VDAC1: variants seen among roughly 807,000 people sequenced by gnomAD.
VDAC1 encodes voltage dependent anion channel 1.
In VDAC1, 10 loss-of-function variants were observed where a neutral mutation model predicts 34.7. The observed-to-expected ratio is 0.29, with a 90% CI of 0.18 to 0.49. VDAC1 has a LOEUF of 0.49. Among genes scored for constraint, VDAC1 ranks in the 20% least tolerant of loss-of-function variants. VDAC1 has a pLI of 0.99. For synonymous variants in VDAC1, 130 were observed against 136.0 expected, an observed-to-expected ratio of 0.96 and a Z score of 0.30; for missense variants, 230 against 347.9, an observed-to-expected ratio of 0.66 and a Z score of 2.69.
the VDAC1 span, among the ~76,000 whole-genome samples, chr5:134,045,454 C>A: frequency 2.0e-5 from 3 of 152,182 alleles, no homozygotes; most frequent in South Asian, 2.1e-4. Context: ...AGGGAAGAAT[C>A]ATTTCCTTGC....
At chr5:134,058,458 C>G in the VDAC1 span, among the ~76,000 whole-genome samples, 1 of 152,048 alleles carries the variant, frequency 6.6e-6, no homozygotes, top group Non-Finnish European at 1.5e-5. Context: ...GGACTACAGG[C>G]ACCCGCCACC....
chr5:134,071,472 C>T, the VDAC1 span, among the ~76,000 whole-genome samples: 1 of 152,234 alleles, frequency 6.6e-6, no homozygotes, highest in Non-Finnish European at 1.5e-5. The surrounding 1 kb of genome is among the most constrained non-coding windows in gnomAD (Gnocchi z 4.1). Flanking sequence ...CCAACCCACC[C>T]TGTCATTCCC....
the VDAC1 span, among the ~76,000 whole-genome samples, chr5:134,039,616 A>G: frequency 1.3e-5 from 2 of 152,202 alleles, no homozygotes; most frequent in Admixed American, 6.5e-5. Flanking sequence ...GGCGTGAGCC[A>G]CCGCGCCCGG....
At chr5:134,013,179 C>T in the VDAC1 span, among the ~76,000 whole-genome samples, 2 of 152,232 alleles carry the variant, frequency 1.3e-5, no homozygotes, top group South Asian at 2.1e-4. Context: ...GGGCATCAAC[C>T]GCGGCAAAGA....
rs1007906270 is a variant in VDAC1 at position 133,972,017 on chromosome 5, A to G, written c.*754T>C. The G allele has an allele frequency of 3.3e-5, 5 of 152,684 alleles. No homozygotes were observed. The highest frequency in any genetic ancestry group is 1.2e-4 in the African/African-American group (5 of 41,468). The allele number at this position is 152,684 out of a possible 1,614,324, so 9.5% of individuals were successfully genotyped here. On this transcript the variant is annotated 3_prime_UTR_variant, in exon 9 of 9. Transcript: ENST00000265333. ...AAATGGAAGACTCTAAAATGTACCC[A>G]TTAAACTGCTAAAAAACAAATTGAG...
At chr5:134,105,159 CAGA>C in the VDAC1 span, among the ~76,000 whole-genome samples, 1 of 152,174 alleles carries the variant, frequency 6.6e-6, no homozygotes, top group African/African-American at 2.4e-5. Context: ...CCACCTCCAC[CAGA>C]AGCTCTGCAG....
intron 2 of VDAC1, among the ~76,000 whole-genome samples, 167 bp from the exon 3 acceptor site, chr5:133,992,522 G>A (rs1044859685): frequency 4.6e-5 from 7 of 152,330 alleles, no homozygotes; most frequent in African/African-American, 1.7e-4. Flanking sequence ...GCTCTCAGCT[G>A]CCATGGAACA....
chr5:133,984,766 T>A (rs911876944), intron 5 of VDAC1, among the ~76,000 whole-genome samples: 1 of 151,940 alleles, frequency 6.6e-6, no homozygotes, highest in Non-Finnish European at 1.5e-5. Flanking sequence ...CAAAATTCCA[T>A]CTCTACTAAA....
chr5:133,990,940 G>A, intron 4 of VDAC1, 33 bp from the exon 5 acceptor site: 1 of 1,600,246 alleles, frequency 6.2e-7, no homozygotes, highest in East Asian at 2.2e-5. Flanking sequence ...ACTAGATTTA[G>A]TCACAAGGCA....
At chr5:133,986,197 G>A (rs965448914) in intron 5 of VDAC1, among the ~76,000 whole-genome samples, 4 of 152,304 alleles carry the variant, frequency 2.6e-5, no homozygotes, top group Non-Finnish European at 4.4e-5. Context: ...GATACTCAGC[G>A]TGGGTGCTGG....
chr5:134,015,292 A>G, the VDAC1 span, among the ~76,000 whole-genome samples: 1 of 152,170 alleles, frequency 6.6e-6, no homozygotes, highest in African/African-American at 2.4e-5. Flanking sequence ...TGACAGGTTC[A>G]ATCATACCCC....
chr5:134,016,865 G>A, the VDAC1 span, among the ~76,000 whole-genome samples: 1 of 152,202 alleles, frequency 6.6e-6, no homozygotes, highest in African/African-American at 2.4e-5. Flanking sequence ...CAGGGGATGT[G>A]TACGGCTGAG....
At chr5:134,056,622 C>A in the VDAC1 span, among the ~76,000 whole-genome samples, 1 of 152,014 alleles carries the variant, frequency 6.6e-6, no homozygotes, top group African/African-American at 2.4e-5. Flanking sequence ...CATTCTTGAA[C>A]ATAACTTTTT....
the VDAC1 span, among the ~76,000 whole-genome samples, chr5:134,017,048 C>T: frequency 6.6e-6 from 1 of 152,248 alleles, no homozygotes; most frequent in Admixed American, 6.5e-5. Flanking sequence ...ATTCTCTGGC[C>T]TCTGCTTAAA....
At chr5:134,051,533 C>A in the VDAC1 span, among the ~76,000 whole-genome samples, 1 of 152,190 alleles carries the variant, frequency 6.6e-6, no homozygotes, top group African/African-American at 2.4e-5. Context: ...AGTGAGTCAG[C>A]CAGTCCCCTT....
At chr5:134,033,774 C>T in the VDAC1 span, among the ~76,000 whole-genome samples, 11 of 151,684 alleles carry the variant, frequency 7.3e-5, no homozygotes, top group African/African-American at 1.2e-4. Context: ...GGGCGGATCA[C>T]GAGGTCAGCA....
upstream of VDAC1, among the ~76,000 whole-genome samples, chr5:134,006,402 T>C (rs756505867): frequency 6.6e-6 from 1 of 152,048 alleles, no homozygotes; most frequent in Non-Finnish European, 1.5e-5. Flanking sequence ...GGAGCAAATG[T>C]CGAAGGGCTT....
chr5:134,102,957 G>T, the VDAC1 span, among the ~76,000 whole-genome samples: 1 of 152,028 alleles, frequency 6.6e-6, no homozygotes, highest in African/African-American at 2.4e-5. Context: ...TCCCAGAGAA[G>T]GTGGGACAGG....
At chr5:134,021,652 G>T in the VDAC1 span, among the ~76,000 whole-genome samples, 1 of 151,924 alleles carries the variant, frequency 6.6e-6, no homozygotes, top group African/African-American at 2.4e-5. Flanking sequence ...ACCAGCCCAA[G>T]AAATTTCCAG....
Sources: allele counts gnomAD v4.1 joint callset (sites outside exome capture counted in the v4.1 genomes callset), GRCh38; gene constraint gnomAD v4.1.1; non-coding constraint Gnocchi (gnomAD v3.1); transcripts MANE v1.5; gene names NCBI Gene and HGNC (gene_info 2026-07-23, HGNC 2026-07-21).